Variants in COL25A1 observed in about 807,000 individuals in gnomAD.
COL25A1 encodes collagen type XXV alpha 1 chain.
In COL25A1, 103 loss-of-function variants were observed where a neutral mutation model predicts 128.4. The observed-to-expected ratio is 0.80, with a 90% CI of 0.68 to 0.94. The LOEUF (loss-of-function observed/expected upper bound fraction) is 0.94, where lower values mean the gene tolerates loss of function less well. Among genes scored for constraint, COL25A1 ranks in the 40% least tolerant of loss-of-function variants. COL25A1 has a pLI of 0.00. For missense variants in COL25A1, 745 were observed against 840.0 expected (o/e 0.89, Z 1.40); for synonymous variants, 279 against 277.2 (o/e 1.01, Z -0.06).
At chr4:109,125,097 C>T (rs898273793) in intron 3 of COL25A1, among the ~76,000 whole-genome samples, 16 of 152,012 alleles carry the variant, frequency 1.1e-4, no homozygotes, top group Admixed American at 1.3e-4. Context: ...CCTAAAAAGA[C>T]TCTATTTTCT....
Position 108,838,044 on chromosome 4 carries a change from G to T in COL25A1, c.1656+3651C>A, listed in dbSNP as rs1734009383. 7 of 1,223,146 alleles carry T rather than the reference G, an allele frequency of 5.7e-6. No homozygotes were observed. In the Admixed American group the frequency reaches 7.9e-5, roughly 14 times the overall value. 75.8% of individuals were successfully genotyped at this position (1,223,146 alleles called of 1,614,324 possible). On this transcript the variant is annotated intron_variant, in intron 31 of 37. Coordinates refer to ENST00000399132, the MANE Select transcript of COL25A1 (RefSeq NM_198721.4). ...TGAGTAAACCAGAGTTATCATGTAG[G>T]GTAGAAAGAAAAATCTGAGATTTGC... is the stretch of plus-strand genomic sequence containing the variant.
intron 13 of COL25A1, among the ~76,000 whole-genome samples, chr4:108,917,251 A>G (rs567262270): frequency 6.6e-6 from 1 of 152,320 alleles, no homozygotes; most frequent in East Asian, 1.9e-4. Flanking sequence ...GATGGACTCA[A>G]TGGAAAAGGA....
At chr4:108,828,706 T>C (rs1049739323) in intron 32 of COL25A1, among the ~76,000 whole-genome samples, 14 of 152,214 alleles carry the variant, frequency 9.2e-5, no homozygotes, top group Admixed American at 3.3e-4. Flanking sequence ...CAGTATTTAG[T>C]AGGAAAACTT....
At position 109,107,861 on chromosome 4, in the gene COL25A1, T is replaced by C. The variant is rs72886904; in HGVS notation, c.368-57682A>G. 1.9e-3 allele frequency among the ~76,000 whole-genome samples: 282 copies of C among 152,352 alleles called. 2 individuals carry two copies. Among genetic ancestry groups the C allele is most frequent in the African/African-American group, 6.6e-3 (273 of 41,584 alleles). On this transcript the variant is annotated intron_variant, in intron 3 of 37. Coordinates refer to ENST00000399132, the MANE Select transcript of COL25A1 (RefSeq NM_198721.4). ...TTTCTCACTGTGGGCACCTCGTGTA[T>C]ACACAGCTTACCACTGAACAGAGGA...
At chr4:108,965,225 G>A (rs1246719167) in intron 8 of COL25A1, among the ~76,000 whole-genome samples, 2 of 152,182 alleles carry the variant, frequency 1.3e-5, no homozygotes, top group African/African-American at 4.8e-5. Context: ...ACACTAGGAG[G>A]AGAAAGGAAT....
At chr4:109,175,022 C>A (rs1414746389) in intron 3 of COL25A1, among the ~76,000 whole-genome samples, 2 of 152,186 alleles carry the variant, frequency 1.3e-5, no homozygotes, top group Non-Finnish European at 1.5e-5. Context: ...AAGAACCTAA[C>A]TAATGCCTGG....
intron 3 of COL25A1, among the ~76,000 whole-genome samples, chr4:109,227,458 T>G (rs188061937): frequency 3.3e-5 from 5 of 152,222 alleles, no homozygotes; most frequent in African/African-American, 1.2e-4. Context: ...CACTTTTCTA[T>G]AATCTTCTAA....
chr4:109,169,065 C>T (rs544300922), intron 3 of COL25A1, among the ~76,000 whole-genome samples: 15 of 152,276 alleles, frequency 9.9e-5, no homozygotes, highest in African/African-American at 3.6e-4. Flanking sequence ...GTGCCCCACA[C>T]TCTACGGTAT....
At chr4:109,204,932 T>G (rs1283696201) in intron 3 of COL25A1, among the ~76,000 whole-genome samples, 1 of 152,178 alleles carries the variant, frequency 6.6e-6, no homozygotes, top group African/African-American at 2.4e-5. Context: ...GATTTTGTAC[T>G]ATAGAGTAGA....
At chr4:109,163,876 T>C (rs191264130) in intron 3 of COL25A1, among the ~76,000 whole-genome samples, 1 of 152,306 alleles carries the variant, frequency 6.6e-6, no homozygotes, top group Admixed American at 6.5e-5. Context: ...TTCCTGACCC[T>C]TCAGCTTTGA....
At chr4:109,097,574 T>C (rs754721712) in intron 3 of COL25A1, among the ~76,000 whole-genome samples, 5 of 150,894 alleles carry the variant, frequency 3.3e-5, no homozygotes, top group Admixed American at 6.6e-5. Flanking sequence ...GATGGCACCA[T>C]AGCACTCCAG....
At chr4:109,060,908 C>T (rs1761910390) in intron 3 of COL25A1, among the ~76,000 whole-genome samples, 3 of 152,130 alleles carry the variant, frequency 2.0e-5, no homozygotes, top group African/African-American at 7.2e-5. Flanking sequence ...AATGCTGATG[C>T]TATAGTTTGG....
intron 21 of COL25A1, among the ~76,000 whole-genome samples, chr4:108,862,964 C>G (rs1032281722): frequency 2.0e-5 from 3 of 152,064 alleles, no homozygotes; most frequent in African/African-American, 7.2e-5. Flanking sequence ...GTCCTTAGCT[C>G]TAATATTTTC....
At chr4:109,068,668 C>A (rs2125979298) in intron 3 of COL25A1, among the ~76,000 whole-genome samples, 2 of 152,226 alleles carry the variant, frequency 1.3e-5, no homozygotes, top group Non-Finnish European at 2.9e-5. Context: ...AATTCTATCA[C>A]CACTAAATAT....
In COL25A1 at chr4:108,855,198, T is replaced by TTTG. The variant is rs770472938; in HGVS notation, c.1321-2274_1321-2273insCAA. Among the ~76,000 whole-genome samples the TTTG allele has an allele frequency of 1.8e-4, 27 of 148,522 alleles. 1 individual carries two copies. Among genetic ancestry groups the TTTG allele is most frequent in the South Asian group, 1.7e-3 (8 of 4,584 alleles). On this transcript the variant is annotated intron_variant, in intron 24 of 37. Coordinates refer to ENST00000399132, the MANE Select transcript of COL25A1 (RefSeq NM_198721.4). The stretch of plus-strand genomic sequence containing the variant: ...ATTTGAGCTGTTGTTACTGTTTTTT[T>TTTG]TTTTTATTTTTTAAATTGTTGTAAA...
intron 3 of COL25A1, among the ~76,000 whole-genome samples, chr4:109,159,671 A>G (rs1196156533): frequency 6.6e-6 from 1 of 152,234 alleles, no homozygotes; most frequent in African/African-American, 2.4e-5. Context: ...AGAAAAATTT[A>G]AGGAAAAGGC....
chr4:109,272,679 T>C (rs918233254), intron 3 of COL25A1, among the ~76,000 whole-genome samples: 1 of 152,086 alleles, frequency 6.6e-6, no homozygotes, highest in Non-Finnish European at 1.5e-5. Flanking sequence ...AGATGCAAAG[T>C]GGTATTACTA....
intron 8 of COL25A1, among the ~76,000 whole-genome samples, chr4:108,960,688 T>C (rs1400044252): frequency 6.6e-6 from 1 of 152,158 alleles, no homozygotes; most frequent in East Asian, 1.9e-4. Flanking sequence ...CTTCAACCAC[T>C]ACGAAATAGA....
intron 3 of COL25A1, among the ~76,000 whole-genome samples, chr4:109,146,405 G>C (rs1251293561): frequency 6.6e-6 from 1 of 152,140 alleles, no homozygotes. Flanking sequence ...AATAGAAAGT[G>C]ATGGCTTAAA....
Sources: allele counts gnomAD v4.1 joint callset (sites outside exome capture counted in the v4.1 genomes callset), GRCh38; gene constraint gnomAD v4.1.1; transcripts MANE v1.5; gene names NCBI Gene and HGNC (gene_info 2026-07-23, HGNC 2026-07-21).